Variants in MED27 observed in about 807,000 individuals in gnomAD.
MED27 encodes the protein mediator complex subunit 27, also known as mediator of RNA polymerase II transcription subunit 27.
Under a neutral mutation model 38.2 loss-of-function variants are expected in MED27, and 30 were observed. The ratio of observed to expected loss-of-function variants is 0.79; its 90% CI spans 0.59 to 1.07. The LOEUF (loss-of-function observed/expected upper bound fraction) is 1.07, where lower values mean the gene tolerates loss of function less well. Among genes scored for constraint, MED27 ranks in the 50% least tolerant of loss-of-function variants. The pLI, the probability that MED27 is intolerant of heterozygous loss-of-function variation, is 0.00. For synonymous variants in MED27, 122 were observed against 153.5 expected, an observed-to-expected ratio of 0.79 and a Z score of 1.52; for missense variants, 289 against 397.5, an observed-to-expected ratio of 0.73 and a Z score of 2.32.
At chr9:132,047,019 A>T (rs1249604259) in intron 2 of MED27, among the ~76,000 whole-genome samples, 1 of 152,212 alleles carries the variant, frequency 6.6e-6, no homozygotes, top group African/African-American at 2.4e-5. Flanking sequence ...CCTTAAGCTG[A>T]ACATGCATAG....
chr9:131,885,901 A>G (rs1022545464), intron 5 of MED27, among the ~76,000 whole-genome samples: 2 of 152,202 alleles, frequency 1.3e-5, no homozygotes, highest in Non-Finnish European at 2.9e-5. Flanking sequence ...GAGTGAATGG[A>G]ACACCTGGTC....
At chr9:131,945,118 T>C (rs976075330) in intron 3 of MED27, among the ~76,000 whole-genome samples, 1 of 147,056 alleles carries the variant, frequency 6.8e-6, no homozygotes. Context: ...TATATATAAA[T>C]ATATAAAAAT....
In MED27 at chr9:131,862,516, C is replaced by T. The variant is rs1274336583; in HGVS notation, c.801+547G>A. Among the ~76,000 whole-genome samples, 3 of 152,056 alleles carry T rather than the reference C, an allele frequency of 2.0e-5. No individual in the cohort carries two copies. Among genetic ancestry groups the T allele is most frequent in the East Asian group, 1.9e-4 (1 of 5,196 alleles). On this transcript the variant is annotated intron_variant, in intron 7 of 7. Coordinates refer to ENST00000292035, the MANE Select transcript of MED27 (RefSeq NM_004269.4). The surrounding 1 kb of genome is among the most constrained non-coding windows in gnomAD (Gnocchi z 4.6). The stretch of plus-strand genomic sequence containing the variant: ...GGAAGTCCTGACTTGCAGTGTTTGC[C>T]GATTTCCGTGGTGTCAACACTCCCA...
chr9:131,931,127 C>T (rs1180747591), intron 4 of MED27, among the ~76,000 whole-genome samples: 1 of 151,960 alleles, frequency 6.6e-6, no homozygotes, highest in Non-Finnish European at 1.5e-5. Flanking sequence ...GATCTGTGGT[C>T]CCAGCTACTC....
chr9:132,038,978 T>C (rs979533916), intron 2 of MED27, among the ~76,000 whole-genome samples: 2 of 152,224 alleles, frequency 1.3e-5, no homozygotes, highest in African/African-American at 4.8e-5. Context: ...AGCCAGTCCA[T>C]GGCAGGGCTA....
rs1589248519 is a variant in MED27 at position 131,982,399 on chromosome 9, T to C, written c.479+31938A>G. ...ACACAACTGAATACAACTCCCTGAA[T>C]GATCACTGACAAGATCAGGAGTAGA... On this transcript the variant is annotated intron_variant, in intron 3 of 7. Transcript: ENST00000292035. This position sits in a 1 kb window ranked among gnomAD's most constrained non-coding sequence, Gnocchi z 4.3. Among the ~76,000 whole-genome samples, 1 of 152,298 alleles carries C rather than the reference T, an allele frequency of 6.6e-6. No individual in the cohort carries two copies. Among genetic ancestry groups the C allele is most frequent in the African/African-American group, 2.4e-5 (1 of 41,564 alleles).
intron 2 of MED27, among the ~76,000 whole-genome samples, chr9:132,056,645 TG>T (rs1289429441): frequency 6.6e-6 from 1 of 152,216 alleles, no homozygotes; most frequent in Non-Finnish European, 1.5e-5. Context: ...ATGTTCAACC[TG>T]TATGAGCTCT....
chr9:131,968,623 T>C (rs1363533051), intron 3 of MED27, among the ~76,000 whole-genome samples: 1 of 152,182 alleles, frequency 6.6e-6, no homozygotes, highest in African/African-American at 2.4e-5. Context: ...GAATCTTGCT[T>C]TGTTTCTGGC....
chr9:132,014,584 T>C, intron 2 of MED27, 117 bp from the exon 3 acceptor site: 1 of 1,016,614 alleles, frequency 9.8e-7, no homozygotes, highest in East Asian at 2.7e-5. Context: ...TTTAAGTAAC[T>C]TCAAATACAA....
At chr9:132,056,615 C>T (rs910456985) in intron 2 of MED27, among the ~76,000 whole-genome samples, 3 of 152,078 alleles carry the variant, frequency 2.0e-5, no homozygotes, top group African/African-American at 7.2e-5. Context: ...ACCTCTGGTC[C>T]CAAGCATTTT....
chr9:131,988,887 C>A (rs148184130), intron 3 of MED27, among the ~76,000 whole-genome samples: 3 of 3,766 alleles, frequency 8.0e-4, no homozygotes, highest in Non-Finnish European at 7.4e-4. Context: ...TTTGGCTGCG[C>A]CGAGGGTGAA....
chr9:131,946,503 C>A (rs1383942069), intron 3 of MED27, among the ~76,000 whole-genome samples: 4 of 152,212 alleles, frequency 2.6e-5, no homozygotes, highest in African/African-American at 9.6e-5. Flanking sequence ...CAGAGGTCAT[C>A]TGATTGGGGT....
chr9:131,929,941 G>A (rs959982112), intron 4 of MED27, among the ~76,000 whole-genome samples: 4 of 152,188 alleles, frequency 2.6e-5, no homozygotes, highest in Non-Finnish European at 5.9e-5. Context: ...CCAGTGCTGC[G>A]CTGGCCTCAA....
At chr9:132,026,717 A>C (rs1832827761) in intron 2 of MED27, among the ~76,000 whole-genome samples, 1 of 152,176 alleles carries the variant, frequency 6.6e-6, no homozygotes, top group African/African-American at 2.4e-5. Flanking sequence ...AGGAGTAGAT[A>C]TCTCCCCTAG....
chr9:131,958,956 G>A (rs1831159667), intron 3 of MED27, among the ~76,000 whole-genome samples: 1 of 152,166 alleles, frequency 6.6e-6, no homozygotes, highest in Admixed American at 6.5e-5. Context: ...TTGCCTGTCT[G>A]GACTATTAAG....
intron 3 of MED27, among the ~76,000 whole-genome samples, chr9:132,008,484 G>A (rs764558726): frequency 1.4e-4 from 21 of 152,146 alleles, no homozygotes; most frequent in Admixed American, 4.6e-4. Context: ...CCCTCTGAAC[G>A]CTAACAAGTG....
intron 3 of MED27, among the ~76,000 whole-genome samples, chr9:131,977,049 T>C (rs1202739282): frequency 6.6e-6 from 1 of 152,204 alleles, no homozygotes; most frequent in Non-Finnish European, 1.5e-5. Context: ...AGGATGAACT[T>C]GAACAGAATT....
chr9:131,896,514 T>C (rs911246336), intron 4 of MED27, among the ~76,000 whole-genome samples: 9 of 152,312 alleles, frequency 5.9e-5, no homozygotes, highest in Admixed American at 5.9e-4. Flanking sequence ...TTAATTTTGG[T>C]ATTTTAAAGT....
intron 3 of MED27, among the ~76,000 whole-genome samples, chr9:131,941,483 A>G (rs1335243482): frequency 6.6e-6 from 1 of 152,176 alleles, no homozygotes; most frequent in Non-Finnish European, 1.5e-5. Context: ...TTTTCCTTAG[A>G]GAATGTTATG....
Sources: gnomAD v4.1 joint callset for allele counts (sites outside exome capture counted in the v4.1 genomes callset) on GRCh38, gnomAD v4.1.1 for gene constraint, Gnocchi (gnomAD v3.1) non-coding constraint, MANE v1.5 for transcripts, NCBI Gene and HGNC (gene_info 2026-07-23, HGNC 2026-07-21) for gene names.